Variants in TPST1 observed in about 807,000 individuals in gnomAD.
The protein encoded by TPST1 is tyrosylprotein sulfotransferase 1.
In TPST1, 20 loss-of-function variants were observed where a neutral mutation model predicts 34.8. That is an observed-to-expected ratio of 0.57 (90% CI 0.40 to 0.84). The LOEUF (loss-of-function observed/expected upper bound fraction) is 0.84. TPST1 is among the 40% of genes least tolerant of loss of function. TPST1 has a pLI of 0.00. For synonymous variants in TPST1, 152 were observed against 159.4 expected (o/e 0.95, Z 0.35); for missense variants, 353 against 455.5 (o/e 0.78, Z 2.05).
intron 2 of TPST1, among the ~76,000 whole-genome samples, chr7:66,266,714 C>T (rs1324870101): frequency 6.6e-6 from 1 of 152,156 alleles, no homozygotes; most frequent in Non-Finnish European, 1.5e-5. Context: ...AAGAAGCAAA[C>T]CAGTGATACA....
chr7:66,352,580 G>C, intron 4 of TPST1, 25 bp downstream of exon 4: 1 of 1,611,178 alleles, frequency 6.2e-7, no homozygotes, highest in Non-Finnish European at 8.5e-7. Flanking sequence ...TTTTCCTCCT[G>C]ATGTATACTA....
At chr7:66,257,007 C>T (rs1414084040) in intron 2 of TPST1, among the ~76,000 whole-genome samples, 1 of 152,076 alleles carries the variant, frequency 6.6e-6, no homozygotes, top group Non-Finnish European at 1.5e-5. Context: ...AGTGCAGTGG[C>T]GCAGTCATGG....
intron 1 of TPST1, among the ~76,000 whole-genome samples, chr7:66,236,489 CTTTA>C (rs1325895059): frequency 5.9e-5 from 9 of 151,882 alleles, no homozygotes; most frequent in African/African-American, 9.7e-5. Flanking sequence ...GGTATATGTA[CTTTA>C]TTTAAGTATA....
intron 3 of TPST1, among the ~76,000 whole-genome samples, chr7:66,326,887 G>A (rs1334629127): frequency 1.3e-5 from 2 of 151,946 alleles, no homozygotes; most frequent in African/African-American, 4.8e-5. Flanking sequence ...TTATTCATTT[G>A]TTTCTAGGCA....
chr7:66,199,899 GGAGGTTTCACCATGCTGGCCA>G, the TPST1 span, among the ~76,000 whole-genome samples: 55 of 151,706 alleles, frequency 3.6e-4, no homozygotes, highest in African/African-American at 9.9e-4. Context: ...TTTTTAGAGA[GGAGGTTTCACCATGCTGGCCA>G]GAGGTTTCAC....
chr7:66,248,348 T>A (rs943610598), intron 2 of TPST1, among the ~76,000 whole-genome samples: 2 of 152,132 alleles, frequency 1.3e-5, no homozygotes, highest in African/African-American at 4.8e-5. Context: ...GCATTTAATT[T>A]TGGTTGGATT....
chr7:66,296,468 A>G (rs1239538853), intron 3 of TPST1, among the ~76,000 whole-genome samples: 2 of 152,062 alleles, frequency 1.3e-5, no homozygotes, highest in Non-Finnish European at 2.9e-5. Flanking sequence ...TCAGATGCTA[A>G]TGTATCCAGC....
chr7:66,320,655 A>G (rs950321685), intron 3 of TPST1, among the ~76,000 whole-genome samples: 2 of 150,906 alleles, frequency 1.3e-5, no homozygotes, highest in East Asian at 4.0e-4. Context: ...CTGGAGTGCA[A>G]TGGAGTGATC....
At chr7:66,295,123 G>A (rs1584214862) in intron 3 of TPST1, among the ~76,000 whole-genome samples, 1 of 151,900 alleles carries the variant, frequency 6.6e-6, no homozygotes, top group East Asian at 1.9e-4. Flanking sequence ...TTTTTTTAAG[G>A]TAGGATCAAT....
At chr7:66,344,253 G>A (rs980404230) in intron 3 of TPST1, 2 of 152,012 alleles carry the variant, frequency 1.3e-5, no homozygotes, top group Non-Finnish European at 2.9e-5. Context: ...AAAAGGAAAA[G>A]AATAGGATAT....
At chr7:66,224,724 T>C (rs560277574) in intron 1 of TPST1, among the ~76,000 whole-genome samples, 1 of 152,244 alleles carries the variant, frequency 6.6e-6, no homozygotes, top group South Asian at 2.1e-4. Flanking sequence ...TATGTAAGTA[T>C]AGAAATGTAA....
intron 1 of TPST1, among the ~76,000 whole-genome samples, chr7:66,229,991 A>C (rs1231594618): frequency 1.3e-5 from 2 of 152,178 alleles, no homozygotes; most frequent in Non-Finnish European, 2.9e-5. Context: ...GATCAAGAGC[A>C]TCCTGGCCAA....
chr7:66,216,022 T>C (rs374315647), intron 1 of TPST1, among the ~76,000 whole-genome samples: 75 of 151,824 alleles, frequency 4.9e-4, no homozygotes, highest in African/African-American at 1.5e-3. Flanking sequence ...CCGCCCGCCT[T>C]GGCCTCCCAA....
chr7:66,222,871 C>T (rs1006580265), intron 1 of TPST1, among the ~76,000 whole-genome samples: 2 of 152,206 alleles, frequency 1.3e-5, no homozygotes, highest in Non-Finnish European at 2.9e-5. Context: ...TGAGAGAGAA[C>T]TTGCAGGTGT....
intron 2 of TPST1, among the ~76,000 whole-genome samples, chr7:66,248,585 C>G (rs904981495): frequency 1.4e-5 from 2 of 144,396 alleles, no homozygotes; most frequent in African/African-American, 5.2e-5. Flanking sequence ...CTCACTGCAA[C>G]CTCTGCCTCA....
intron 2 of TPST1, among the ~76,000 whole-genome samples, chr7:66,244,790 C>G (rs4149458): frequency 0.015 from 2,227 of 152,282 alleles, 60 homozygotes; most frequent in East Asian, 0.092. Flanking sequence ...ATTAATGTAA[C>G]AGTGACGCTT....
intron 3 of TPST1, among the ~76,000 whole-genome samples, chr7:66,303,702 A>C (rs928589100): frequency 6.6e-6 from 1 of 152,150 alleles, no homozygotes; most frequent in Non-Finnish European, 1.5e-5. Context: ...GAGTCACTGC[A>C]CCTGGCTTGT....
chr7:66,266,942 G>A (rs1562821831), intron 2 of TPST1, among the ~76,000 whole-genome samples: 1 of 152,056 alleles, frequency 6.6e-6, no homozygotes, highest in Non-Finnish European at 1.5e-5. Context: ...TCTAGGTGGT[G>A]GTTACATGGC....
intron 2 of TPST1, among the ~76,000 whole-genome samples, chr7:66,264,475 A>G (rs1401893089): frequency 6.6e-6 from 1 of 152,172 alleles, no homozygotes; most frequent in Non-Finnish European, 1.5e-5. Flanking sequence ...GTGTATCCCA[A>G]ACCTACCCAG....
Sources: allele counts gnomAD v4.1 joint callset (sites outside exome capture counted in the v4.1 genomes callset), GRCh38; gene constraint gnomAD v4.1.1; transcripts MANE v1.5; gene names NCBI Gene and HGNC (gene_info 2026-07-23, HGNC 2026-07-21).